The following EPHA6 variants were observed in gnomAD, a reference collection of about 807,000 sequenced individuals.
EPHA6 encodes the protein ephrin type-A receptor 6.
In EPHA6, 50 loss-of-function variants were observed where a neutral mutation model predicts 112.0. That is an observed-to-expected ratio of 0.45 (90% confidence interval 0.36 to 0.56). The LOEUF is 0.56. Ranked by LOEUF, EPHA6 falls within the 20% of genes least tolerant of loss-of-function variation. The pLI, the probability that EPHA6 is intolerant of heterozygous loss-of-function variation, is 0.00. For synonymous variants in EPHA6, 529 were observed against 490.7 expected, an observed-to-expected ratio of 1.08 and a Z score of -1.03; for missense variants, 1,280 against 1,417.4, an observed-to-expected ratio of 0.90 and a Z score of 1.56.
At chr3:97,499,944 A>G (rs2092074610) in intron 10 of EPHA6, among the ~76,000 whole-genome samples, 1 of 152,152 alleles carries the variant, frequency 6.6e-6, no homozygotes, top group Non-Finnish European at 1.5e-5. Flanking sequence ...TCAATAATAA[A>G]TTTTATTTTA....
chr3:97,179,685 TA>T (rs1224283105), intron 3 of EPHA6, among the ~76,000 whole-genome samples: 1 of 150,980 alleles, frequency 6.6e-6, no homozygotes, highest in Admixed American at 6.6e-5. Context: ...CAGAGACTCT[TA>T]TTCTTTTTTA....
intron 5 of EPHA6, among the ~76,000 whole-genome samples, chr3:97,338,481 A>T (rs532819951): frequency 1.1e-4 from 17 of 152,188 alleles, no homozygotes; most frequent in African/African-American, 2.4e-4. Flanking sequence ...TCTTACTTGA[A>T]TTCCAAACAC....
intron 2 of EPHA6, among the ~76,000 whole-genome samples, chr3:96,927,581 C>A (rs1314949264): frequency 1.3e-5 from 2 of 152,212 alleles, no homozygotes; most frequent in Non-Finnish European, 2.9e-5. Context: ...TTTGCTAAAG[C>A]ATAGTAAGAG....
intron 12 of EPHA6, among the ~76,000 whole-genome samples, chr3:97,609,926 C>T (rs1156264859): frequency 1.3e-5 from 2 of 151,470 alleles, no homozygotes; most frequent in Non-Finnish European, 3.0e-5. Context: ...TCCCCTGCAT[C>T]TGAAATGAGT....
chr3:97,536,198 T>C (rs146153369), intron 11 of EPHA6, among the ~76,000 whole-genome samples: 174 of 152,214 alleles, frequency 1.1e-3, no homozygotes, highest in African/African-American at 4.0e-3. Flanking sequence ...AGATAACATA[T>C]ACACCGGTGT....
chr3:97,681,019 A>G (rs898991168), intron 14 of EPHA6, among the ~76,000 whole-genome samples: 5 of 152,276 alleles, frequency 3.3e-5, no homozygotes, highest in South Asian at 2.1e-4. Flanking sequence ...GACAAAAATG[A>G]TAAGACATTA....
At chr3:97,418,211 G>T (rs2088293894) in intron 6 of EPHA6, among the ~76,000 whole-genome samples, 1 of 151,160 alleles carries the variant, frequency 6.6e-6, no homozygotes, top group Non-Finnish European at 1.5e-5. Flanking sequence ...ATATTTATCA[G>T]TATATACTAA....
intron 2 of EPHA6, among the ~76,000 whole-genome samples, chr3:96,928,013 CTT>C (rs2040127104): frequency 6.6e-6 from 1 of 152,138 alleles, no homozygotes; most frequent in South Asian, 2.1e-4. Context: ...AACTATGAAA[CTT>C]TTGCAAAACT....
intron 3 of EPHA6, among the ~76,000 whole-genome samples, chr3:97,169,610 G>T (rs1223041885): frequency 1.3e-5 from 2 of 151,946 alleles, no homozygotes; most frequent in Non-Finnish European, 2.9e-5. Context: ...CATTTCATTT[G>T]CAGATGAAAA....
At chr3:97,481,253 T>C in intron 9 of EPHA6, 1 of 1,451,070 alleles carries the variant, frequency 6.9e-7, no homozygotes, top group Non-Finnish European at 9.7e-7. Context: ...ATCACGTACA[T>C]AACCAGGAAT....
intron 6 of EPHA6, among the ~76,000 whole-genome samples, chr3:97,438,529 C>G (rs1363374936): frequency 6.6e-6 from 1 of 152,104 alleles, no homozygotes; most frequent in Non-Finnish European, 1.5e-5. Flanking sequence ...AAAAGCTAAG[C>G]TTATGGAGCA....
rs543651235 is a variant in EPHA6, at chr3:97,193,631, T to G, written c.1115-32633T>G. 1.4e-4 allele frequency among the ~76,000 whole-genome samples: 22 copies of G among 152,158 alleles called. No homozygotes were observed. The South Asian group carries it at 4.6e-3, about 32-fold the overall frequency. On this transcript the variant is annotated intron_variant, in intron 3 of 17. Coordinates refer to ENST00000389672, the MANE Select transcript of EPHA6 (RefSeq NM_001080448.3). ...TCTGATTTGGTTGTCCTTTATATCT[T>G]TCTCTTATCTGATTGCTCTAGGTAG...
intron 3 of EPHA6, among the ~76,000 whole-genome samples, chr3:97,073,246 G>C (rs1233994289): frequency 6.6e-6 from 1 of 152,086 alleles, no homozygotes; most frequent in Non-Finnish European, 1.5e-5. Context: ...TCCAAATTGT[G>C]TATCTTTCAT....
intron 10 of EPHA6, among the ~76,000 whole-genome samples, chr3:97,495,144 G>C (rs1193889877): frequency 6.6e-6 from 1 of 152,068 alleles, no homozygotes; most frequent in South Asian, 2.1e-4. Flanking sequence ...TATCCCCAGC[G>C]GTCTTTCTCA....
At chr3:96,925,569 T>A (rs1369277034) in intron 2 of EPHA6, among the ~76,000 whole-genome samples, 1 of 151,674 alleles carries the variant, frequency 6.6e-6, no homozygotes, top group Non-Finnish European at 1.5e-5. Context: ...TTCAATTTTA[T>A]CATTTTTTTT....
At chr3:96,958,362 G>A (rs930786087) in intron 2 of EPHA6, among the ~76,000 whole-genome samples, 2 of 151,710 alleles carry the variant, frequency 1.3e-5, no homozygotes, top group Admixed American at 6.6e-5. Flanking sequence ...TGGGATGTTA[G>A]CTCAACTTTC....
At chr3:97,119,392 C>G (rs139081741) in intron 3 of EPHA6, among the ~76,000 whole-genome samples, 29 of 152,088 alleles carry the variant, frequency 1.9e-4, no homozygotes, top group South Asian at 6.2e-4. Flanking sequence ...ATGATTCTAC[C>G]TGTTTATGCC....
At position 97,750,172 on chromosome 3, in the gene EPHA6, AAC is replaced by A. The variant is rs1216295171; in HGVS notation, c.*1473_*1474del. ...TAAGTAAAATGTGTTGAGAGAAAAA[AAC>A]AGAGTAGGTTGTCTAAAGATGCTGA... On this transcript the variant is annotated 3_prime_UTR_variant, in exon 18 of 18. Transcript: ENST00000389672. Among the ~76,000 whole-genome samples the A allele has an allele frequency of 3.3e-5, 5 of 152,300 alleles. No homozygotes were observed. Among genetic ancestry groups the A allele is most frequent in the African/African-American group, 1.2e-4 (5 of 41,566 alleles).
intron 6 of EPHA6, among the ~76,000 whole-genome samples, chr3:97,414,621 C>A (rs557504227): frequency 1.3e-5 from 2 of 151,850 alleles, no homozygotes; most frequent in Non-Finnish European, 2.9e-5. Context: ...GTCTTAGATT[C>A]TCAAATGAAA....
Sources: gnomAD v4.1 joint callset for allele counts (sites outside exome capture counted in the v4.1 genomes callset) on GRCh38, gnomAD v4.1.1 for gene constraint, MANE v1.5 for transcripts, NCBI Gene and HGNC (gene_info 2026-07-23, HGNC 2026-07-21) for gene names.